SPATA24: variants seen among roughly 807,000 people sequenced by gnomAD.
SPATA24 encodes the protein spermatogenesis-associated protein 24.
Under a neutral mutation model 28.9 loss-of-function variants are expected in SPATA24, and 21 were observed. The observed-to-expected ratio is 0.73, with a 90% CI of 0.52 to 1.05. The LOEUF (loss-of-function observed/expected upper bound fraction) is 1.05. Among genes scored for constraint, SPATA24 ranks in the 50% least tolerant of loss-of-function variants. The pLI is 0.00. For missense variants in SPATA24, 215 were observed against 242.9 expected, an observed-to-expected ratio of 0.88 and a Z score of 0.76; for synonymous variants, 76 against 89.9, an observed-to-expected ratio of 0.85 and a Z score of 0.88.
In SPATA24 at chr5:139,401,744, C is replaced by T; in HGVS notation, c.385+11G>A. ...TATAACCGTGGTGGAGAGCACGGGC[C>T]TCCCGCCTACCATTGCACTTGGTGA... is the stretch of plus-strand genomic sequence containing the variant. On this transcript the variant is annotated intron_variant, in intron 4 of 5. Transcript: ENST00000450845. 3 of 1,551,594 alleles carry T rather than the reference C, an allele frequency of 1.9e-6. No individual in the cohort carries two copies. The highest frequency in any genetic ancestry group is 2.6e-6 in the Non-Finnish European group (3 of 1,146,954).
chr5:139,392,554 G>C (rs1029535704), downstream of SPATA24: 4 of 1,345,658 alleles, frequency 3.0e-6, no homozygotes, highest in African/African-American at 6.2e-5. The surrounding 1 kb of genome is among the most constrained non-coding windows in gnomAD (Gnocchi z 5.8). Context: ...CGTCCTGCCC[G>C]CCAACGCCAG....
intron 4 of SPATA24, among the ~76,000 whole-genome samples, chr5:139,398,234 C>T (rs1015620734): frequency 2.0e-5 from 3 of 152,108 alleles, no homozygotes; most frequent in Non-Finnish European, 4.4e-5. Context: ...AGAGACAGCC[C>T]TATCCCACAG....
At chr5:139,402,221 CTTTT>C (rs951543387) in intron 2 of SPATA24, among the ~76,000 whole-genome samples, 176 bp from the exon 3 acceptor site, 1 of 143,728 alleles carries the variant, frequency 7.0e-6, no homozygotes, top group Non-Finnish European at 1.5e-5. Context: ...TTTCTTTTTT[CTTTT>C]TTTTTTTAGA....
chr5:139,393,936 C>G, downstream of SPATA24: 2 of 1,550,922 alleles, frequency 1.3e-6, no homozygotes, highest in Non-Finnish European at 1.7e-6. Context: ...TACTCGGAAC[C>G]TCCGAGGGGA....
downstream of SPATA24, chr5:139,393,740 C>T: frequency 6.4e-7 from 1 of 1,551,402 alleles, no homozygotes; most frequent in South Asian, 1.2e-5. Flanking sequence ...CTCCTGCTGA[C>T]AGTTTCCTCG....
chr5:139,393,367 T>A (rs1420884358), downstream of SPATA24: 7 of 1,551,456 alleles, frequency 4.5e-6, no homozygotes, highest in Non-Finnish European at 6.1e-6. Flanking sequence ...AAAGGCAAGA[T>A]CTGAAATTTC....
chr5:139,399,666 T>C (rs927313592), intron 4 of SPATA24, among the ~76,000 whole-genome samples: 14 of 152,310 alleles, frequency 9.2e-5, no homozygotes, highest in Admixed American at 6.5e-4. Context: ...TAAAGAACTA[T>C]GTAAGTGTAA....
At chr5:139,393,038 C>CG, downstream of SPATA24, 1 of 1,526,986 alleles carries the variant, frequency 6.5e-7, no homozygotes, top group Non-Finnish European at 8.8e-7. Context: ...TTGATGAAAA[C>CG]GGAAGTGTAG....
Position 139,399,040 on chromosome 5 carries a change from A to G in SPATA24, c.386-1897T>C, listed in dbSNP as rs1280265345. Among the ~76,000 whole-genome samples the G allele has an allele frequency of 1.6e-5, 2 of 126,228 alleles. 1 individual carries two copies. The highest frequency in any genetic ancestry group is 3.2e-5 in the Non-Finnish European group (2 of 63,452). 82.8% of individuals were successfully genotyped at this position (126,228 alleles called of 152,430 possible). ...TTCCGCTTCAAAAAAAAAAAAGGCC[A>G]GGCGTGGTGGCTCACGCCTGTAATC... On this transcript the variant is annotated intron_variant, in intron 4 of 5. Transcript: ENST00000450845.
chr5:139,402,904 GTCC>G (rs2152079790), intron 1 of SPATA24, among the ~76,000 whole-genome samples: 1 of 152,354 alleles, frequency 6.6e-6, no homozygotes, highest in South Asian at 2.1e-4. Context: ...GGAGGAGGCA[GTCC>G]ACAGTTAGCA....
chr5:139,393,056 G>C (rs920986782), downstream of SPATA24: 4 of 1,532,036 alleles, frequency 2.6e-6, no homozygotes, highest in Non-Finnish European at 1.8e-6. Flanking sequence ...TAGTGAGCCG[G>C]GGCGGGGGGC....
chr5:139,396,712 G>T (rs1345345540), downstream of SPATA24: 2 of 1,548,668 alleles, frequency 1.3e-6, no homozygotes, highest in African/African-American at 2.7e-5. Context: ...AGGGAGGGAA[G>T]TAGCAGGGGC....
chr5:139,394,947 G>A (rs1222471945), downstream of SPATA24: 2 of 1,521,252 alleles, frequency 1.3e-6, no homozygotes, highest in Non-Finnish European at 8.8e-7. Flanking sequence ...CCGGCCCAAC[G>A]TCCGGGGGCT....
Position 139,401,653 on chromosome 5 carries a change from G to A in SPATA24, c.385+102C>T, listed in dbSNP as rs748995431. 33 of 1,279,892 alleles carry A rather than the reference G, an allele frequency of 2.6e-5. No individual in the cohort carries two copies. The South Asian group carries it at 3.9e-4, about 15-fold the overall frequency. 79.3% of individuals were successfully genotyped at this position (1,279,892 alleles called of 1,614,324 possible). The stretch of plus-strand genomic sequence containing the variant: ...GGGCCTGCCTGTATCCTCAGCTGGG[G>A]ACAGGTGTTAGAGTGAAACCCTGCC... On this transcript the variant is annotated intron_variant, in intron 4 of 5. Coordinates refer to ENST00000450845, the MANE Select transcript of SPATA24 (RefSeq NM_194296.2).
chr5:139,395,009 G>A (rs984880541), downstream of SPATA24: 87 of 1,472,856 alleles, frequency 5.9e-5, no homozygotes, highest in Non-Finnish European at 7.6e-5. Context: ...GAGGAGTCCT[G>A]GCGCCGCGCG....
At chr5:139,399,233 C>T (rs890573749) in intron 4 of SPATA24, among the ~76,000 whole-genome samples, 12 of 150,620 alleles carry the variant, frequency 8.0e-5, no homozygotes, top group Admixed American at 2.0e-4. Context: ...AGGAAGATGA[C>T]GTGAACCTGA....
chr5:139,399,588 T>C (rs1162610866), intron 4 of SPATA24, among the ~76,000 whole-genome samples: 3 of 152,208 alleles, frequency 2.0e-5, no homozygotes, highest in Non-Finnish European at 4.4e-5. Context: ...GAAATTTGTG[T>C]GACTCTTTGA....
At chr5:139,394,008 G>C (rs778877834), downstream of SPATA24, 9 of 1,550,644 alleles carry the variant, frequency 5.8e-6, 1 homozygote, top group South Asian at 1.1e-4. Flanking sequence ...CCTCTCGCGG[G>C]AACCGAGTCT....
Position 139,396,807 on chromosome 5 carries a change from TC to T in SPATA24, c.610del (p.Glu204LysfsTer?). 6.4e-7 allele frequency: 1 copy of T among 1,551,724 alleles called. No homozygotes were observed. The highest frequency in any genetic ancestry group is 8.7e-7 in the Non-Finnish European group (1 of 1,146,982). The part of the protein sequence containing the change: ...RQARSHQHPR[E>X]K Reference sequence around the variant, plus strand: ...AGGAAAGCGGCGGCCATTTTATTTTTCCCTGGGATGCTGGTGGCTGCGGGCC... The same window carrying T: ...AGGAAAGCGGCGGCCATTTTATTTTTCCTGGGATGCTGGTGGCTGCGGGCC... On this transcript the variant is annotated frameshift_variant, in exon 6 of 6. Coordinates refer to ENST00000450845, the MANE Select transcript of SPATA24 (RefSeq NM_194296.2). LOFTEE classifies it high-confidence loss of function.
Sources: allele counts gnomAD v4.1 joint callset (sites outside exome capture counted in the v4.1 genomes callset), GRCh38; gene constraint gnomAD v4.1.1; non-coding constraint Gnocchi (gnomAD v3.1); transcripts MANE v1.5; gene names NCBI Gene and HGNC (gene_info 2026-07-23, HGNC 2026-07-21).